STK32A: variants seen among roughly 807,000 people sequenced by gnomAD.
STK32A encodes serine/threonine-protein kinase 32A.
STK32A carries 41 observed loss-of-function variants against 53.2 expected under a neutral mutation model. The ratio of observed to expected loss-of-function variants is 0.77; its 90% confidence interval spans 0.60 to 1.00. The LOEUF (loss-of-function observed/expected upper bound fraction) is 1.00. Ranked by LOEUF, STK32A falls within the 50% of genes least tolerant of loss-of-function variation. The pLI, the probability that STK32A is intolerant of heterozygous loss-of-function variation, is 0.00. For synonymous variants in STK32A, 166 were observed against 162.8 expected (o/e 1.02, Z -0.15); for missense variants, 458 against 485.8 (o/e 0.94, Z 0.54).
At chr5:147,324,420 T>G (rs1043054080) in intron 5 of STK32A, among the ~76,000 whole-genome samples, 10 of 152,074 alleles carry the variant, frequency 6.6e-5, no homozygotes, top group African/African-American at 2.4e-4. Context: ...AGAAATAGAA[T>G]GAAAAGAAAG....
intron 8 of STK32A, among the ~76,000 whole-genome samples, chr5:147,370,247 T>C (rs1319342874): frequency 6.6e-6 from 1 of 152,172 alleles, no homozygotes. Flanking sequence ...CTGGATTTAC[T>C]TGCAATCAAC....
At position 147,243,468 on chromosome 5, in the gene STK32A, G is replaced by A. The variant is rs1217763408; in HGVS notation, c.52+3782G>A. ...GTAGGAGATTTTCAGGCTAGGCATG[G>A]TTGCTTACGCCTGTAATCCCAGCAC... On this transcript the variant is annotated intron_variant, in intron 2 of 12. Transcript: ENST00000397936. Among the ~76,000 whole-genome samples, 3 of 122,148 alleles carry A rather than the reference G, an allele frequency of 2.5e-5. 1 individual carries two copies. Among genetic ancestry groups the A allele is most frequent in the Non-Finnish European group, 5.4e-5 (3 of 55,542 alleles). 80.1% of individuals were successfully genotyped at this position (122,148 alleles called of 152,430 possible).
chr5:147,322,373 T>C (rs950028976), intron 4 of STK32A, among the ~76,000 whole-genome samples: 4 of 152,252 alleles, frequency 2.6e-5, no homozygotes, highest in Non-Finnish European at 5.9e-5. Context: ...TCAGGTGCTA[T>C]TAATGCTAAT....
intron 4 of STK32A, among the ~76,000 whole-genome samples, chr5:147,307,530 G>A (rs938315014): frequency 2.0e-5 from 3 of 149,544 alleles, no homozygotes; most frequent in Admixed American, 6.7e-5. Context: ...GCTGAGGCAT[G>A]AGAATCCCAT....
intron 2 of STK32A, among the ~76,000 whole-genome samples, chr5:147,263,151 C>T (rs894905203): frequency 6.6e-6 from 1 of 152,150 alleles, no homozygotes; most frequent in Admixed American, 6.5e-5. Flanking sequence ...CCTCCTCTTC[C>T]CACTTGGCTC....
At chr5:147,296,798 G>T (rs896309441) in intron 4 of STK32A, among the ~76,000 whole-genome samples, 3 of 152,146 alleles carry the variant, frequency 2.0e-5, no homozygotes, top group Non-Finnish European at 4.4e-5. Context: ...GAGGTTGGGG[G>T]TGATCTCCTG....
intron 4 of STK32A, among the ~76,000 whole-genome samples, chr5:147,290,902 G>C (rs536941127): frequency 6.6e-6 from 1 of 151,958 alleles, no homozygotes; most frequent in African/African-American, 2.4e-5. Flanking sequence ...GGGGTTTTAA[G>C]AAAAAAAGAC....
At chr5:147,314,066 C>T (rs1370680199) in intron 4 of STK32A, among the ~76,000 whole-genome samples, 2 of 151,746 alleles carry the variant, frequency 1.3e-5, no homozygotes, top group Non-Finnish European at 2.9e-5. Flanking sequence ...AAAAAGTAGA[C>T]AAATTGGACA....
chr5:147,371,028 C>T (rs1756984542), intron 9 of STK32A, among the ~76,000 whole-genome samples: 1 of 152,168 alleles, frequency 6.6e-6, no homozygotes, highest in African/African-American at 2.4e-5. Context: ...GAAATTCTCT[C>T]AGTGACTGGC....
chr5:147,356,475 C>T (rs887724531), intron 7 of STK32A, among the ~76,000 whole-genome samples: 1 of 152,068 alleles, frequency 6.6e-6, no homozygotes, highest in Admixed American at 6.6e-5. Flanking sequence ...GGTTAAGAAA[C>T]TTGTTGACTG....
chr5:147,395,743 T>TCA, the STK32A span: 1 of 1,612,348 alleles, frequency 6.2e-7, no homozygotes, highest in Non-Finnish European at 8.5e-7. Flanking sequence ...GAAGAGCATG[T>TCA]CACCATTCAT....
At chr5:147,265,987 T>C (rs2151949085) in intron 2 of STK32A, among the ~76,000 whole-genome samples, 1 of 152,250 alleles carries the variant, frequency 6.6e-6, no homozygotes, top group South Asian at 2.1e-4. Flanking sequence ...TAAAAATGGG[T>C]AAAGTGCCAG....
intron 4 of STK32A, among the ~76,000 whole-genome samples, chr5:147,281,889 A>G (rs1274752449): frequency 1.3e-5 from 2 of 152,228 alleles, no homozygotes; most frequent in Non-Finnish European, 2.9e-5. Flanking sequence ...AGGAAAACCT[A>G]TTAGATTAAC....
At chr5:147,292,880 T>G (rs973069675) in intron 4 of STK32A, among the ~76,000 whole-genome samples, 4 of 152,160 alleles carry the variant, frequency 2.6e-5, no homozygotes, top group East Asian at 1.9e-4. Flanking sequence ...AAAGAAAAAT[T>G]TAGTTCTCTA....
intron 2 of STK32A, among the ~76,000 whole-genome samples, chr5:147,276,165 G>T (rs963512200): frequency 1.3e-5 from 2 of 152,044 alleles, no homozygotes; most frequent in Non-Finnish European, 2.9e-5. Context: ...CATTGCTTTG[G>T]TTATTTCAGT....
At chr5:147,256,105 C>G (rs1279943275) in intron 2 of STK32A, among the ~76,000 whole-genome samples, 1 of 152,124 alleles carries the variant, frequency 6.6e-6, no homozygotes, top group African/African-American at 2.4e-5. Flanking sequence ...ACCACACATC[C>G]ACACATCCGC....
intron 5 of STK32A, among the ~76,000 whole-genome samples, chr5:147,337,186 C>T (rs1194610005): frequency 6.6e-6 from 1 of 152,144 alleles, no homozygotes; most frequent in Non-Finnish European, 1.5e-5. Context: ...GTTCTCACAG[C>T]TGGAATCAGC....
At chr5:147,342,874 T>G in intron 5 of STK32A, 132 bp from the exon 6 acceptor site, 8 of 679,780 alleles carry the variant, frequency 1.2e-5, no homozygotes, top group South Asian at 2.4e-5. Flanking sequence ...GAGAATTGAA[T>G]GAGAAGATGA....
chr5:147,275,900 T>C (rs189593701), intron 2 of STK32A, among the ~76,000 whole-genome samples: 2 of 152,304 alleles, frequency 1.3e-5, no homozygotes, highest in South Asian at 2.1e-4. Context: ...AAATGGTATA[T>C]GAAAGGAGGT....
Sources: allele counts gnomAD v4.1 joint callset (sites outside exome capture counted in the v4.1 genomes callset), GRCh38; gene constraint gnomAD v4.1.1; transcripts MANE v1.5; gene names NCBI Gene and HGNC (gene_info 2026-07-23, HGNC 2026-07-21).